The following PDE10A variants were observed in gnomAD, a reference collection of about 807,000 sequenced individuals.
PDE10A encodes the protein phosphodiesterase 10A, also known as cAMP and cAMP-inhibited cGMP 3',5'-cyclic phosphodiesterase 10A.
Under a neutral mutation model 97.7 loss-of-function variants are expected in PDE10A, and 39 were observed. The observed-to-expected ratio is 0.40, with a 90% CI of 0.31 to 0.52. PDE10A has a LOEUF of 0.52. PDE10A is among the 20% of genes least tolerant of loss of function. The pLI, the probability that PDE10A is intolerant of heterozygous loss-of-function variation, is 0.56. For synonymous variants in PDE10A, 371 were observed against 376.8 expected, an observed-to-expected ratio of 0.98 and a Z score of 0.18; for missense variants, 731 against 1,047.8, an observed-to-expected ratio of 0.70 and a Z score of 4.17.
chr6:165,351,827 T>A (rs1289885083), intron 18 of PDE10A, among the ~76,000 whole-genome samples: 6 of 152,182 alleles, frequency 3.9e-5, no homozygotes, highest in African/African-American at 7.2e-5. Flanking sequence ...ACACAAAATA[T>A]CCATAAAATA....
At chr6:165,748,356 G>A (rs963092990) in intron 1 of PDE10A, among the ~76,000 whole-genome samples, 5 of 152,222 alleles carry the variant, frequency 3.3e-5, no homozygotes, top group South Asian at 4.1e-4. Flanking sequence ...TTTACCTAAG[G>A]CTTTAGGAAG....
At chr6:165,973,563 CT>C (rs1169947789) in intron 1 of PDE10A, among the ~76,000 whole-genome samples, 2 of 72,480 alleles carry the variant, frequency 2.8e-5, no homozygotes, top group South Asian at 7.0e-4. Flanking sequence ...AGCTTAAAAT[CT>C]TTTTTATGAA....
intron 1 of PDE10A, among the ~76,000 whole-genome samples, chr6:165,559,602 C>A (rs1784425532): frequency 6.6e-6 from 1 of 152,168 alleles, no homozygotes; most frequent in South Asian, 2.1e-4. Context: ...TTCAAAACCA[C>A]CAATATAGTA....
chr6:165,384,579 C>A (rs572280), intron 17 of PDE10A, among the ~76,000 whole-genome samples: 68,279 of 149,700 alleles, frequency 0.46, 16,449 homozygotes, highest in African/African-American at 0.61. Context: ...GAGCAAATAC[C>A]CACTTCCTGC....
At chr6:165,799,990 A>G (rs768794910) in intron 1 of PDE10A, among the ~76,000 whole-genome samples, 5 of 152,192 alleles carry the variant, frequency 3.3e-5, no homozygotes, top group Non-Finnish European at 7.3e-5. Flanking sequence ...TTATGAGCAC[A>G]TATTAAAGAT....
At chr6:165,339,003 A>T (rs1252132803) in intron 20 of PDE10A, among the ~76,000 whole-genome samples, 2 of 152,236 alleles carry the variant, frequency 1.3e-5, no homozygotes, top group African/African-American at 4.8e-5. Context: ...TCAGATTAAG[A>T]GTATAAACTC....
chr6:165,395,370 G>C, intron 14 of PDE10A, 106 bp from the exon 15 acceptor site: 1 of 696,770 alleles, frequency 1.4e-6, no homozygotes, highest in South Asian at 1.9e-5. Context: ...AAAGACACTG[G>C]GAGCTCAGCC....
At chr6:165,678,195 A>ATATGTT (rs1255971129) in intron 1 of PDE10A, among the ~76,000 whole-genome samples, 3 of 135,046 alleles carry the variant, frequency 2.2e-5, no homozygotes, top group East Asian at 2.4e-4. Flanking sequence ...GTGTCTGTGT[A>ATATGTT]TGTATATGTG....
chr6:165,421,202 G>C (rs1788668813), intron 10 of PDE10A, among the ~76,000 whole-genome samples: 1 of 152,200 alleles, frequency 6.6e-6, no homozygotes, highest in South Asian at 2.1e-4. Flanking sequence ...AGCACTTTGG[G>C]AGACTGAGAT....
intron 15 of PDE10A, among the ~76,000 whole-genome samples, chr6:165,393,988 T>C (rs1785927107): frequency 6.6e-6 from 1 of 152,162 alleles, no homozygotes; most frequent in South Asian, 2.1e-4. Flanking sequence ...ATGTTTCTTT[T>C]CGATCTATTC....
rs1000514549 is a variant in PDE10A at position 165,357,602 on chromosome 6, G to A, written c.2784-14100C>T. On this transcript the variant is annotated intron_variant, in intron 18 of 21. Coordinates refer to ENST00000539869, the MANE Select transcript of PDE10A (RefSeq NM_001385079.1). ...CTTTTTGGTTCAAGTATAGTAAGCT[G>A]GATTTCTCAAAAAATTTATCCGGTT... is the stretch of plus-strand genomic sequence containing the variant. Among the ~76,000 whole-genome samples the A allele has an allele frequency of 4.6e-5, 7 of 151,836 alleles. No homozygotes were observed. The South Asian group carries it at 1.5e-3, about 32-fold the overall frequency.
chr6:165,738,880 T>TA (rs1792649399), intron 1 of PDE10A, among the ~76,000 whole-genome samples: 1 of 152,204 alleles, frequency 6.6e-6, no homozygotes, highest in Non-Finnish European at 1.5e-5. Flanking sequence ...AAGAGAAATT[T>TA]AAAAAACAAT....
chr6:165,519,477 A>C (rs1431170224), intron 2 of PDE10A, among the ~76,000 whole-genome samples: 3 of 151,894 alleles, frequency 2.0e-5, no homozygotes. Context: ...AAAAAAAAAA[A>C]CCACATCAGA....
intron 1 of PDE10A, among the ~76,000 whole-genome samples, chr6:165,709,963 C>T (rs1162649187): frequency 6.6e-6 from 1 of 151,980 alleles, no homozygotes; most frequent in African/African-American, 2.4e-5. Flanking sequence ...CTTCCAATCC[C>T]TGTGACGGCC....
chr6:165,894,349 C>T (rs760989714), intron 1 of PDE10A: 1 of 456,102 alleles, frequency 2.2e-6, no homozygotes, highest in Non-Finnish European at 4.4e-6. Flanking sequence ...AAATGACAGA[C>T]TGAAACTACA....
At chr6:165,436,922 AATAG>A (rs1790059536) in intron 5 of PDE10A, among the ~76,000 whole-genome samples, 1 of 152,190 alleles carries the variant, frequency 6.6e-6, no homozygotes, top group East Asian at 1.9e-4. Context: ...GAACAAAAAG[AATAG>A]ATAAATGCAA....
chr6:165,360,451 T>C lies in PDE10A; in HGVS notation c.2784-16949A>G, dbSNP rs117333763. 1.2e-3 allele frequency among the ~76,000 whole-genome samples: 176 copies of C among 152,344 alleles called. 1 individual carries two copies. The highest frequency in any genetic ancestry group is 1.7e-3 in the Non-Finnish European group (117 of 68,034). On this transcript the variant is annotated intron_variant, in intron 18 of 21. Coordinates refer to ENST00000539869, the MANE Select transcript of PDE10A (RefSeq NM_001385079.1). Reference sequence around the variant, plus strand: ...TCAACTGGATAAATGTAGGAGTTCATATGTTTCACTTTTCTCAAGGATTAC... The same window carrying C: ...TCAACTGGATAAATGTAGGAGTTCACATGTTTCACTTTTCTCAAGGATTAC...
chr6:165,428,979 A>G (rs1789362877), intron 9 of PDE10A, among the ~76,000 whole-genome samples: 1 of 152,120 alleles, frequency 6.6e-6, no homozygotes, highest in Non-Finnish European at 1.5e-5. Flanking sequence ...GTATCAGTGT[A>G]GAGAGAAAGT....
At chr6:165,666,736 T>C (rs1790507767), upstream of PDE10A, among the ~76,000 whole-genome samples, 1 of 151,566 alleles carries the variant, frequency 6.6e-6, no homozygotes, top group African/African-American at 2.4e-5. Context: ...CAATTCATCA[T>C]AGCTTTGTTG....
Sources: gnomAD v4.1 joint callset for allele counts (sites outside exome capture counted in the v4.1 genomes callset) on GRCh38, gnomAD v4.1.1 for gene constraint, MANE v1.5 for transcripts, NCBI Gene and HGNC (gene_info 2026-07-23, HGNC 2026-07-21) for gene names.